The following ZNF502 variants were observed in gnomAD, a reference collection of about 807,000 sequenced individuals.
The protein encoded by ZNF502 is zinc finger protein 502.
Under a neutral mutation model 43.6 loss-of-function variants are expected in ZNF502, and 29 were observed. That is an observed-to-expected ratio of 0.67 (90% confidence interval 0.50 to 0.91). ZNF502 has a LOEUF of 0.91. Among genes scored for constraint, ZNF502 ranks in the 40% least tolerant of loss-of-function variants. The pLI is 0.00. For synonymous variants in ZNF502, 171 were observed against 207.4 expected, an observed-to-expected ratio of 0.82 and a Z score of 1.51; for missense variants, 591 against 647.2, an observed-to-expected ratio of 0.91 and a Z score of 0.94.
Position 44,722,411 on chromosome 3 carries a change from TC to T in ZNF502, c.1595del (p.Ser532Ter). The T allele has an allele frequency of 6.2e-7, 1 of 1,613,658 alleles. No homozygotes were observed. The highest frequency in any genetic ancestry group is 8.5e-7 in the Non-Finnish European group (1 of 1,179,828). On this transcript the variant is annotated frameshift_variant, in exon 3 of 3. Coordinates refer to ENST00000436624, the MANE Select transcript of ZNF502 (RefSeq NM_001134442.3). LOFTEE classifies it high-confidence loss of function. ...IECGKFFRHS[S>X]VLFRHQKLHS... is the part of the protein sequence containing the mutation. ...GTGTGGAAAGTTCTTCAGACATAGT[TC>T]AGTCCTTTTCAGACATCAGAAACTT...
intron 2 of ZNF502, among the ~76,000 whole-genome samples, chr3:44,720,619 C>T (rs1378794854): frequency 1.3e-5 from 2 of 152,168 alleles, no homozygotes; most frequent in African/African-American, 4.8e-5. Flanking sequence ...TCATTTATCT[C>T]TATTGTCTCA....
At chr3:44,715,060 T>C (rs1293884653) in intron 1 of ZNF502, among the ~76,000 whole-genome samples, 4 of 152,226 alleles carry the variant, frequency 2.6e-5, no homozygotes, top group Non-Finnish European at 5.9e-5. Context: ...GAAGGAGAAG[T>C]AAAAATATAG....
intron 1 of ZNF502, among the ~76,000 whole-genome samples, chr3:44,717,630 C>T (rs1392767434): frequency 6.6e-6 from 1 of 151,870 alleles, no homozygotes; most frequent in African/African-American, 2.4e-5. Flanking sequence ...AGGCTGGTCT[C>T]GAACTTCCAA....
At position 44,722,700 on chromosome 3, in the gene ZNF502, C is replaced by T. The variant is rs897048262; in HGVS notation, c.*248C>T. 6 of 448,430 alleles carry T rather than the reference C, an allele frequency of 1.3e-5. No individual in the cohort carries two copies. The East Asian group carries it at 2.0e-4, about 15-fold the overall frequency. The allele number at this position is 448,430 out of a possible 1,614,324, so 27.8% of individuals were successfully genotyped here. ...GATAAAGCCTACACATTGCCACTGT[C>T]TCCCCATGTGACTCTTACAGCTTGA... On this transcript the variant is annotated 3_prime_UTR_variant, in exon 3 of 3. Coordinates refer to ENST00000436624, the MANE Select transcript of ZNF502 (RefSeq NM_001134442.3).
intron 1 of ZNF502, among the ~76,000 whole-genome samples, chr3:44,714,340 C>T (rs1575537300): frequency 6.6e-6 from 1 of 152,194 alleles, no homozygotes. Context: ...CCACAATAGG[C>T]ATTTGTAGAA....
At chr3:44,715,152 G>A (rs1269958728) in intron 1 of ZNF502, among the ~76,000 whole-genome samples, 1 of 152,118 alleles carries the variant, frequency 6.6e-6, no homozygotes, top group Non-Finnish European at 1.5e-5. Flanking sequence ...TTTTCTTTAT[G>A]TCTTTTTTAA....
Position 44,722,080 on chromosome 3 carries a change from C to T in ZNF502, c.1263C>T (p.Cys421=). Residue 421 remains cysteine (C), a synonymous_variant, in exon 3 of 3, where the codon TGC becomes TGT. Coordinates refer to ENST00000436624, the MANE Select transcript of ZNF502 (RefSeq NM_001134442.3). ...ECGKAFIQSI[C]LIRHQRSHTG... ...GTAAAGCCTTCATTCAGAGCATTTG[C>T]CTTATTCGGCACCAGAGAAGTCACA... 6.2e-7 allele frequency: 1 copy of T among 1,613,934 alleles called. No homozygotes were observed. The highest frequency in any genetic ancestry group is 8.5e-7 in the Non-Finnish European group (1 of 1,179,966).
intron 1 of ZNF502, among the ~76,000 whole-genome samples, chr3:44,717,095 C>A (rs1348191350): frequency 6.6e-6 from 1 of 152,130 alleles, no homozygotes; most frequent in Admixed American, 6.5e-5. Flanking sequence ...AAAGTGCTAA[C>A]CCTAGAATGA....
intron 1 of ZNF502, chr3:44,714,777 T>A (rs1388525927): frequency 2.0e-5 from 3 of 152,342 alleles, no homozygotes; most frequent in Admixed American, 6.5e-5. Flanking sequence ...TTATGTGAAT[T>A]AACTCATCAA....
chr3:44,712,946 A>G (rs1704057981), intron 1 of ZNF502, among the ~76,000 whole-genome samples: 1 of 152,240 alleles, frequency 6.6e-6, no homozygotes, highest in African/African-American at 2.4e-5. Flanking sequence ...TCCAAGGCCC[A>G]GCACAGTGCC....
intron 1 of ZNF502, among the ~76,000 whole-genome samples, chr3:44,717,343 ATTAAT>A (rs1704171666): frequency 6.6e-6 from 1 of 150,892 alleles, no homozygotes; most frequent in Non-Finnish European, 1.5e-5. Context: ...ATTTTATTTA[ATTAAT>A]TTATTTTTGA....
At position 44,720,921 on chromosome 3, in the gene ZNF502, T is replaced by C. The variant is rs758221308; in HGVS notation, c.104T>C (p.Ile35Thr). The change falls in exon 3 of 3, where the codon ATT (isoleucine) becomes ACT (threonine). Residue 35 changes from isoleucine (I) to threonine (T), a missense_variant. Coordinates refer to ENST00000436624, the MANE Select transcript of ZNF502 (RefSeq NM_001134442.3). ...KPALEQDVCK[I>T]DSSGIVVKRF... Reference sequence around the variant, plus strand: ...GCTCTGGAGCAGGATGTCTGTAAAATTGACTCATCAGGGATAGTAGTAAAG... The same window carrying C: ...GCTCTGGAGCAGGATGTCTGTAAAACTGACTCATCAGGGATAGTAGTAAAG... The C allele has an allele frequency of 8.7e-6, 14 of 1,613,694 alleles. No individual in the cohort carries two copies. Among genetic ancestry groups the C allele is most frequent in the Non-Finnish European group, 1.2e-5 (14 of 1,179,854 alleles).
chr3:44,722,345 T>G lies in ZNF502; in HGVS notation c.1528T>G (p.Tyr510Asp). The G allele has an allele frequency of 6.2e-7, 1 of 1,613,188 alleles. No individual in the cohort carries two copies. Among genetic ancestry groups the G allele is most frequent in the Non-Finnish European group, 8.5e-7 (1 of 1,179,634 alleles). Reference protein sequence around the residue: ...FRKYAHLSEHYRIHTGEKPYE... With the variant: ...FRKYAHLSEHDRIHTGEKPYE... ...CAAGTATGCACACCTTAGTGAACAT[T>G]ACAGAATTCACACTGGTGAGAAGCC... The change falls in exon 3 of 3, where the codon TAC (tyrosine) becomes GAC (aspartate). Residue 510 changes from tyrosine (Y) to aspartate (D), a missense_variant. Transcript: ENST00000436624.
chr3:44,723,618 C>G lies in ZNF502; in HGVS notation c.*1166C>G, dbSNP rs1473655689. The G allele has an allele frequency of 6.6e-6, 1 of 152,328 alleles. No individual in the cohort carries two copies. Among genetic ancestry groups the G allele is most frequent in the East Asian group, 1.9e-4 (1 of 5,194 alleles). 9.4% of individuals were successfully genotyped at this position (152,328 alleles called of 1,614,324 possible). A position where few individuals can be genotyped will look rare whatever the true frequency, so the allele number is the denominator to read the frequency against. On this transcript the variant is annotated 3_prime_UTR_variant, in exon 3 of 3. Transcript: ENST00000436624. ...CTGAAAATCAGGATAGCACATTTTG[C>G]TACTGACTGTGACAGTGTTTTATTC...
chr3:44,722,061 C>G lies in ZNF502; in HGVS notation c.1244C>G (p.Ala415Gly), dbSNP rs1382144055. The change falls in exon 3 of 3, where the codon GCC (alanine) becomes GGC (glycine). Residue 415 changes from alanine to glycine, a missense_variant. By Grantham distance (60) the Ala-to-Gly change is moderately conservative. Transcript: ENST00000436624. ...TACAAATGCAGTGAATGTGGTAAAGCCTTCATTCAGAGCATTTGCCTTATT... is the reference window on the plus strand; with the variant it reads ...TACAAATGCAGTGAATGTGGTAAAGGCTTCATTCAGAGCATTTGCCTTATT... Reference protein sequence around the residue: ...RPYKCSECGKAFIQSICLIRH... With the variant: ...RPYKCSECGKGFIQSICLIRH... 7.4e-6 allele frequency: 12 copies of G among 1,614,048 alleles called. No individual in the cohort carries two copies. Among genetic ancestry groups the G allele is most frequent in the Non-Finnish European group, 1.0e-5 (12 of 1,180,032 alleles).
intron 1 of ZNF502, among the ~76,000 whole-genome samples, chr3:44,719,436 T>C (rs1294048401): frequency 1.3e-5 from 2 of 152,232 alleles, no homozygotes; most frequent in Non-Finnish European, 2.9e-5. Flanking sequence ...CCTTTTTCCT[T>C]GAATAATGCT....
chr3:44,717,313 T>A (rs1704170676), intron 1 of ZNF502, among the ~76,000 whole-genome samples: 1 of 152,062 alleles, frequency 6.6e-6, no homozygotes, highest in South Asian at 2.1e-4. Context: ...TTTATTTACA[T>A]CTCTTAGAGG....
intron 2 of ZNF502, 112 bp from the exon 3 acceptor site, chr3:44,720,761 G>T: frequency 1.7e-6 from 2 of 1,212,098 alleles, no homozygotes; most frequent in Non-Finnish European, 2.3e-6. Flanking sequence ...TGCTGTTACT[G>T]GCCCTTCATC....
At chr3:44,712,989 AG>A (rs1454091957) in intron 1 of ZNF502, among the ~76,000 whole-genome samples, 1 of 152,230 alleles carries the variant, frequency 6.6e-6, no homozygotes, top group Admixed American at 6.5e-5. Context: ...AAAATGGCGG[AG>A]TGAATGAATG....
Sources: gnomAD v4.1 joint callset for allele counts (sites outside exome capture counted in the v4.1 genomes callset) on GRCh38, gnomAD v4.1.1 for gene constraint, MANE v1.5 for transcripts, NCBI Gene and HGNC (gene_info 2026-07-23, HGNC 2026-07-21) for gene names.